The following ITSN2 variants were observed in gnomAD, a reference collection of about 807,000 sequenced individuals.
ITSN2 encodes the protein intersectin 2.
In ITSN2, 156 loss-of-function variants were observed where a neutral mutation model predicts 243.7. The observed-to-expected ratio is 0.64, with a 90% confidence interval of 0.56 to 0.73. The LOEUF (loss-of-function observed/expected upper bound fraction) is 0.73, where lower values mean the gene tolerates loss of function less well. Among genes scored for constraint, ITSN2 ranks in the 30% least tolerant of loss-of-function variants. The pLI, the probability that ITSN2 is intolerant of heterozygous loss-of-function variation, is 0.00. For missense variants in ITSN2, 1,801 were observed against 1,996.1 expected (o/e 0.90, Z 1.86); for synonymous variants, 703 against 699.9 (o/e 1.00, Z -0.07).
intron 20 of ITSN2, among the ~76,000 whole-genome samples, chr2:24,264,606 T>C (rs1273519963): frequency 9.1e-6 from 1 of 109,750 alleles, no homozygotes; most frequent in Non-Finnish European, 2.1e-5. Flanking sequence ...TTTTTGCATA[T>C]GAATATCCAT....
chr2:24,248,565 C>CT, intron 27 of ITSN2, 64 bp downstream of exon 27: 1 of 1,381,954 alleles, frequency 7.2e-7, no homozygotes, highest in Non-Finnish European at 9.8e-7. Flanking sequence ...TTAATTTTAT[C>CT]TTTTTTATGG....
intron 31 of ITSN2, 135 bp from the exon 32 acceptor site, chr2:24,216,367 C>A: frequency 1.5e-6 from 1 of 679,152 alleles, no homozygotes; most frequent in East Asian, 3.1e-5. Context: ...AAGGAGAACT[C>A]AAGAGGAAGA....
At chr2:24,234,653 A>G (rs1428061803) in intron 29 of ITSN2, among the ~76,000 whole-genome samples, 27 of 152,256 alleles carry the variant, frequency 1.8e-4, no homozygotes, top group Admixed American at 1.8e-3. Context: ...CAGTTCAACA[A>G]TAAGAAAACA....
At chr2:24,219,554 C>T (rs1670260425) in intron 30 of ITSN2, among the ~76,000 whole-genome samples, 1 of 152,144 alleles carries the variant, frequency 6.6e-6, no homozygotes, top group Non-Finnish European at 1.5e-5. Context: ...CTGCTTTGTG[C>T]CGGGCTTGGT....
At chr2:24,301,261 G>A in intron 10 of ITSN2, 22 bp from the exon 11 acceptor site, 1 of 1,479,234 alleles carries the variant, frequency 6.8e-7, no homozygotes, top group Non-Finnish European at 9.4e-7. Context: ...AAACAACAAA[G>A]TTAGCATCAT....
intron 32 of ITSN2, among the ~76,000 whole-genome samples, chr2:24,213,576 A>G (rs1254176227): frequency 2.0e-5 from 3 of 152,160 alleles, no homozygotes; most frequent in African/African-American, 7.2e-5. Context: ...GAGTCTTTTT[A>G]AAAAGTAACA....
intron 16 of ITSN2, 86 bp downstream of exon 16, chr2:24,286,126 T>C (rs901833656): frequency 2.5e-5 from 18 of 731,536 alleles, no homozygotes; most frequent in African/African-American, 1.3e-4. Context: ...ATACATATAA[T>C]AGCTTTAGCT....
chr2:24,278,700 G>A (rs1329704207), intron 17 of ITSN2, among the ~76,000 whole-genome samples: 1 of 141,444 alleles, frequency 7.1e-6, no homozygotes, highest in Non-Finnish European at 1.5e-5. Context: ...CGCCCAGGCT[G>A]GAGTGCAGTG....
chr2:24,217,121 T>C (rs375141188), intron 31 of ITSN2, among the ~76,000 whole-genome samples: 1,520 of 139,392 alleles, frequency 0.011, 27 homozygotes, highest in African/African-American at 0.039. Flanking sequence ...TGGTGGTGGG[T>C]GCCTGTTGTC....
chr2:24,222,668 C>CTTTTT (rs56149622), intron 29 of ITSN2, among the ~76,000 whole-genome samples: 1,176 of 77,102 alleles, frequency 0.015, 1 homozygote, highest in Non-Finnish European at 0.02. Flanking sequence ...TTTTTCTTTT[C>CTTTTT]TTTTTTTTTT....
At chr2:24,221,225 C>A in intron 29 of ITSN2, 159 bp from the exon 30 acceptor site, 1 of 687,856 alleles carries the variant, frequency 1.5e-6, no homozygotes. Flanking sequence ...CATGCGTACG[C>A]GGAGAGTTGG....
rs70944730 is a variant in ITSN2 at position 24,223,824 on chromosome 2, G to GAAA, written c.3578-2761_3578-2759dup. On this transcript the variant is annotated intron_variant, in intron 29 of 39. Coordinates refer to ENST00000355123, the MANE Select transcript of ITSN2 (RefSeq NM_006277.3). ...AAGAAGGAAGGGAAGGGAAGGAAGG[G>GAAA]AAAAAAAGGAAAGAAACAAGAAAAA... is the stretch of plus-strand genomic sequence containing the variant. 2.0e-3 allele frequency among the ~76,000 whole-genome samples: 293 copies of GAAA among 142,950 alleles called. 2 individuals carry two copies. Among genetic ancestry groups the GAAA allele is most frequent in the African/African-American group, 7.2e-3 (274 of 38,116 alleles). 93.8% of individuals were successfully genotyped at this position (142,950 alleles called of 152,430 possible). A position where few individuals can be genotyped will look rare whatever the true frequency, so the allele number is the denominator to read the frequency against.
chr2:24,256,203 G>A (rs911894363), intron 23 of ITSN2, among the ~76,000 whole-genome samples: 1 of 152,180 alleles, frequency 6.6e-6, no homozygotes, highest in African/African-American at 2.4e-5. Flanking sequence ...CAGCCTGGCC[G>A]AAAGAGCGAG....
At chr2:24,340,577 C>T (rs1208539022) in intron 1 of ITSN2, among the ~76,000 whole-genome samples, 1 of 152,116 alleles carries the variant, frequency 6.6e-6, no homozygotes, top group Non-Finnish European at 1.5e-5. Context: ...TGCTCCCTTC[C>T]AGCCTCTGTC....
Position 24,204,334 on chromosome 2 carries a change from C to G in ITSN2, c.4847G>C (p.Trp1616Ser), listed in dbSNP as rs571018575. Reference protein sequence around the residue: ...RTIQDTLNPKWNFNCQFFIKD... With the variant: ...RTIQDTLNPKSNFNCQFFIKD... ...AATAAAGAACTGGCAGTTAAAATTCCACTTGGGATTGAGTGTGTCCTGGAT... is the reference window on the plus strand; with the variant it reads ...AATAAAGAACTGGCAGTTAAAATTCGACTTGGGATTGAGTGTGTCCTGGAT... The change falls in exon 39 of 40, where the codon TGG (tryptophan) becomes TCG (serine). Residue 1616 changes from tryptophan (W) to serine (S), a missense_variant. Coordinates refer to ENST00000355123, the MANE Select transcript of ITSN2 (RefSeq NM_006277.3). This position sits in a 1 kb window ranked among gnomAD's most constrained non-coding sequence, Gnocchi z 5.1. 5.8e-5 allele frequency: 94 copies of G among 1,614,120 alleles called. 1 individual carries two copies. The Admixed American group carries it at 1.3e-3, about 23-fold the overall frequency.
chr2:24,218,137 GAAGC>G, intron 30 of ITSN2, 124 bp from the exon 31 acceptor site: 2 of 629,450 alleles, frequency 3.2e-6, no homozygotes, highest in Non-Finnish European at 5.6e-6. Flanking sequence ...AACATAAACT[GAAGC>G]TAATCATCCA....
intron 8 of ITSN2, among the ~76,000 whole-genome samples, chr2:24,307,909 T>C (rs1682763485): frequency 2.0e-5 from 3 of 152,246 alleles, no homozygotes; most frequent in Admixed American, 1.3e-4. Flanking sequence ...AGATACCTCA[T>C]CTGAACTCTT....
chr2:24,291,964 C>G (rs966484516), intron 15 of ITSN2, among the ~76,000 whole-genome samples: 1 of 152,164 alleles, frequency 6.6e-6, no homozygotes, highest in Non-Finnish European at 1.5e-5. Context: ...ATTGTACCAT[C>G]CTGGGTAACT....
In ITSN2 at chr2:24,286,245, C is replaced by T. The variant is rs1218711083; in HGVS notation, c.1830G>A (p.Leu610=). The part of the protein sequence containing the change: ...DALEKETASK[L]SEMDSFNNQL... ...GATTGTTAAAAGAATCCATTTCTGACAGCTTAGATGCAGTTTCTTTTTCAA... is the reference window on the plus strand; with the variant it reads ...GATTGTTAAAAGAATCCATTTCTGATAGCTTAGATGCAGTTTCTTTTTCAA... The change falls in exon 16 of 40, where the codon CTG becomes CTA. Residue 610 remains leucine (L), a synonymous_variant. Coordinates refer to ENST00000355123, the MANE Select transcript of ITSN2 (RefSeq NM_006277.3). The T allele has an allele frequency of 6.3e-7, 1 of 1,599,224 alleles. No individual in the cohort carries two copies. The highest frequency in any genetic ancestry group is 8.5e-7 in the Non-Finnish European group (1 of 1,169,742).
Sources: gnomAD v4.1 joint callset for allele counts (sites outside exome capture counted in the v4.1 genomes callset) on GRCh38, gnomAD v4.1.1 for gene constraint, Gnocchi (gnomAD v3.1) non-coding constraint, MANE v1.5 for transcripts, NCBI Gene and HGNC (gene_info 2026-07-23, HGNC 2026-07-21) for gene names.